The following MEFV variants were observed in gnomAD, a reference collection of about 807,000 sequenced individuals.
MEFV encodes pyrin.
Under a neutral mutation model 62.5 loss-of-function variants are expected in MEFV, and 60 were observed. The observed-to-expected ratio is 0.96, with a 90% CI of 0.78 to 1.19. The LOEUF (loss-of-function observed/expected upper bound fraction) is 1.19, where lower values mean the gene tolerates loss of function less well. Ranked by LOEUF, MEFV falls within the 50% of genes most tolerant of loss-of-function variation. The probability of loss-of-function intolerance (pLI) is 0.00; values close to 1 mark genes in which losing one functional copy is unlikely to be tolerated. For missense variants in MEFV, 1,169 were observed against 1,004.5 expected, an observed-to-expected ratio of 1.16 and a Z score of -2.21; for synonymous variants, 500 against 415.2, an observed-to-expected ratio of 1.20 and a Z score of -2.48.
chr16:3,251,863 C>T, intron 2 of MEFV: 1 of 184,940 alleles, frequency 5.4e-6, no homozygotes. Context: ...TTTTCAGGGT[C>T]TAAGCCTGCA....
intron 7 of MEFV, 38 bp downstream of exon 7, chr16:3,244,435 T>C (rs1312552230): frequency 6.3e-7 from 1 of 1,599,064 alleles, no homozygotes; most frequent in Non-Finnish European, 8.6e-7. Context: ...AGGGAGGAAG[T>C]GAGCATGCAC....
intron 4 of MEFV, chr16:3,247,944 A>C (rs1371523079): frequency 1.3e-5 from 2 of 150,646 alleles, no homozygotes; most frequent in African/African-American, 2.4e-5. Context: ...CAAAAAAAAA[A>C]AAAAAAAAAA....
intron 1 of MEFV, 44 bp from the exon 2 acceptor site, chr16:3,254,834 T>G: frequency 1.2e-6 from 2 of 1,604,988 alleles, no homozygotes; most frequent in Non-Finnish European, 1.7e-6. Flanking sequence ...TGTCCCACGT[T>G]TAGGGCCCAA....
rs1040998210 is a variant in MEFV, at chr16:3,245,729, T to C, written c.1610+796A>G. On this transcript the variant is annotated intron_variant, in intron 6 of 9. Transcript: ENST00000219596. Reference sequence around the variant, plus strand: ...AGCCCCTGTGTGCTGCTGGTGGGAATGTGAAGCGATGCAGCCCCTGTGAGA... The same window carrying C: ...AGCCCCTGTGTGCTGCTGGTGGGAACGTGAAGCGATGCAGCCCCTGTGAGA... 2.6e-5 allele frequency among the ~76,000 whole-genome samples: 4 copies of C among 152,042 alleles called. No homozygotes were observed. In the South Asian group the frequency reaches 6.2e-4, roughly 24 times the overall value.
chr16:3,249,358 T>G, intron 3 of MEFV, 73 bp downstream of exon 3: 1 of 1,377,374 alleles, frequency 7.3e-7, no homozygotes, highest in Non-Finnish European at 1.0e-6. Context: ...CCCAGAGTTG[T>G]TGGGAAAATG....
chr16:3,254,293 T>G lies in MEFV; in HGVS notation c.775A>C (p.Ile259Leu). 2 of 1,614,218 alleles carry G rather than the reference T, an allele frequency of 1.2e-6. No individual in the cohort carries two copies. The change falls in exon 2 of 10, where the codon ATT (isoleucine) becomes CTT (leucine). Residue 259 changes from isoleucine to leucine, a missense_variant. Ile to Leu is a conservative substitution (Grantham distance 5, BLOSUM62 2). Coordinates refer to ENST00000219596, the MANE Select transcript of MEFV (RefSeq NM_000243.3). ...GTCTTTTCCTCTAGAGTCAGGAGAATTTCTGGATTTGCGGGCGCCTTCTCC... is the reference window on the plus strand; with the variant it reads ...GTCTTTTCCTCTAGAGTCAGGAGAAGTTCTGGATTTGCGGGCGCCTTCTCC... ...TGEKAPANPE[I>L]LLTLEEKTAA...
In MEFV at chr16:3,243,239, C is replaced by T. The variant is rs749838979; in HGVS notation, c.2248G>A (p.Gly750Arg). Residue 750 changes from glycine to arginine, a missense_variant, in exon 10 of 10, where the codon GGG becomes AGG. Coordinates refer to ENST00000219596, the MANE Select transcript of MEFV (RefSeq NM_000243.3). ...IYTFASCSFS[G>R]PLQPIFSPGT... ...GGGCTGAAGATAGGTTGAAGGGGCC[C>T]AGAGAAAGAGCAGCTGGCGAATGTA... is the stretch of plus-strand genomic sequence containing the variant. 1 of 1,614,126 alleles carries T rather than the reference C, an allele frequency of 6.2e-7. No homozygotes were observed. The highest frequency in any genetic ancestry group is 1.1e-5 in the South Asian group (1 of 91,076).
Position 3,249,621 on chromosome 16 carries a change from T to C in MEFV, c.1070A>G (p.Asp357Gly). ...SRSPGCPRCQ[D>G]SHERKSPGSL... ...TCCCGGGCTCTTCCTTTCATGGGAG[T>C]CCTGGCACCGGGGGCAGCCAGGTGA... is the stretch of plus-strand genomic sequence containing the variant. Residue 357 changes from aspartate to glycine, a missense_variant, in exon 3 of 10, where the codon GAC (aspartate) becomes GGC (glycine). Coordinates refer to ENST00000219596, the MANE Select transcript of MEFV (RefSeq NM_000243.3). 6.2e-7 allele frequency: 1 copy of C among 1,613,842 alleles called. No homozygotes were observed. The highest frequency in any genetic ancestry group is 1.1e-5 in the South Asian group (1 of 91,066).
At chr16:3,248,146 C>A (rs1200234429) in intron 4 of MEFV, among the ~76,000 whole-genome samples, 4 of 151,922 alleles carry the variant, frequency 2.6e-5, no homozygotes, top group Admixed American at 2.6e-4. Flanking sequence ...GTAATTCCAG[C>A]CACTAAGGAG....
chr16:3,254,621 G>A lies in MEFV; in HGVS notation c.447C>T (p.Ala149=). 1 of 1,604,160 alleles carries A rather than the reference G, an allele frequency of 6.2e-7. No individual in the cohort carries two copies. The highest frequency in any genetic ancestry group is 8.5e-7 in the Non-Finnish European group (1 of 1,177,166). The part of the protein sequence containing the change: ...AASLRCSQPE[A]GRGLSRKPLS... ...GGGGCTTCCTCGACAGCCCCCTCCCGGCCTCGGGCTGGCTGCACCGCAGGC... is the reference window on the plus strand; with the variant it reads ...GGGGCTTCCTCGACAGCCCCCTCCCAGCCTCGGGCTGGCTGCACCGCAGGC... Residue 149 remains alanine (A), a synonymous_variant, in exon 2 of 10, where the codon GCC becomes GCT. Transcript: ENST00000219596.
chr16:3,250,885 G>A (rs1189659169), intron 2 of MEFV, among the ~76,000 whole-genome samples: 8 of 151,678 alleles, frequency 5.3e-5, no homozygotes, highest in South Asian at 2.1e-4. Flanking sequence ...TTAGCCGGAC[G>A]TGGTGGTGGG....
intron 2 of MEFV, among the ~76,000 whole-genome samples, chr16:3,250,036 C>T (rs1567235062): frequency 6.6e-6 from 1 of 152,218 alleles, no homozygotes; most frequent in Non-Finnish European, 1.5e-5. Flanking sequence ...TAAAGAAAGA[C>T]CCATGGCCTT....
rs543272545 is a variant in MEFV, at chr16:3,256,300, G to C, written c.277+11C>G. On this transcript the variant is annotated intron_variant, in intron 1 of 9. Transcript: ENST00000219596. ...CAGCACTGGATGAGGAGGAGGCCTGGGCCCGCTTACCCTGAATGGCTGCCC... is the reference window on the plus strand; with the variant it reads ...CAGCACTGGATGAGGAGGAGGCCTGCGCCCGCTTACCCTGAATGGCTGCCC... 2 of 1,612,900 alleles carry C rather than the reference G, an allele frequency of 1.2e-6. No homozygotes were observed. Among genetic ancestry groups the C allele is most frequent in the Admixed American group, 3.3e-5 (2 of 59,952 alleles).
At position 3,250,852 on chromosome 16, in the gene MEFV, T is replaced by C. The variant is rs183075387; in HGVS notation, c.911-1072A>G. Among the ~76,000 whole-genome samples, 1,136 of 151,332 alleles carry C rather than the reference T, an allele frequency of 7.5e-3. 9 individuals carry two copies. Among genetic ancestry groups the C allele is most frequent in the African/African-American group, 0.023 (968 of 41,270 alleles). ...CAGCCTGGCCAAGATGGTGAAACCC[T>C]GTCTCTACTAAAAATACAAAAATTA... On this transcript the variant is annotated intron_variant, in intron 2 of 9. Coordinates refer to ENST00000219596, the MANE Select transcript of MEFV (RefSeq NM_000243.3).
intron 9 of MEFV, 32 bp from the exon 10 acceptor site, chr16:3,243,726 G>A (rs1345934848): frequency 6.2e-7 from 1 of 1,612,260 alleles, no homozygotes; most frequent in African/African-American, 1.3e-5. Context: ...CTAGGTAGGG[G>A]TCCATGGGCA....
rs369107119 is a variant in MEFV, at chr16:3,243,585, T to C, written c.1902A>G (p.Gln634=). ...GAACAATGATACAGCTGTCAAATCT[T>C]TGCGGGCCATCAGGCAGCCTCTCCC... ...NKWERLPDGP[Q]RFDSCIIVLG... The change falls in exon 10 of 10, where the codon CAA becomes CAG. Residue 634 remains glutamine (Q), a synonymous_variant. Transcript: ENST00000219596. 6 of 1,604,558 alleles carry C rather than the reference T, an allele frequency of 3.7e-6. No homozygotes were observed. The highest frequency in any genetic ancestry group is 1.7e-5 in the Admixed American group (1 of 58,910).
At chr16:3,248,456 G>T in intron 4 of MEFV, 1 of 213,986 alleles carries the variant, frequency 4.7e-6, no homozygotes, top group Non-Finnish European at 9.7e-6. Context: ...CAGGCATGGT[G>T]GCACTCACCT....
intron 2 of MEFV, among the ~76,000 whole-genome samples, chr16:3,253,791 C>T (rs888937124): frequency 6.6e-6 from 1 of 152,018 alleles, no homozygotes; most frequent in African/African-American, 2.4e-5. Flanking sequence ...CAAGTGAACC[C>T]GAGCAGCTGG....
chr16:3,256,404 C>A lies in MEFV; in HGVS notation c.184G>T (p.Gly62Trp). 6.2e-7 allele frequency: 1 copy of A among 1,614,154 alleles called. No individual in the cohort carries two copies. The highest frequency in any genetic ancestry group is 8.5e-7 in the Non-Finnish European group (1 of 1,179,998). Residue 62 changes from glycine (G) to tryptophan (W), a missense_variant, in exon 1 of 10, where the codon GGG becomes TGG. Coordinates refer to ENST00000219596, the MANE Select transcript of MEFV (RefSeq NM_000243.3). ...GTGAGCTGCACGGCGTACTCTTCCC[C>A]ATAGTAGGTGACCAGCAGAGTGGCC... ...KMATLLVTYYGEEYAVQLTLQ... is the reference protein window; with the variant it reads ...KMATLLVTYYWEEYAVQLTLQ...
Sources: gnomAD v4.1 joint callset for allele counts (sites outside exome capture counted in the v4.1 genomes callset) on GRCh38, gnomAD v4.1.1 for gene constraint, MANE v1.5 for transcripts, NCBI Gene and HGNC (gene_info 2026-07-23, HGNC 2026-07-21) for gene names.